ZFYVE28: variants seen among roughly 807,000 people sequenced by gnomAD.
The protein encoded by ZFYVE28 is lateral signaling target protein 2 homolog.
Under a neutral mutation model 82.1 loss-of-function variants are expected in ZFYVE28, and 40 were observed. That is an observed-to-expected ratio of 0.49 (90% confidence interval 0.38 to 0.63). The LOEUF (loss-of-function observed/expected upper bound fraction) is 0.63. Ranked by LOEUF, ZFYVE28 falls within the 30% of genes least tolerant of loss-of-function variation. The probability of loss-of-function intolerance (pLI) is 0.00; values close to 1 mark genes in which losing one functional copy is unlikely to be tolerated. For missense variants in ZFYVE28, 1,321 were observed against 1,242.1 expected, an observed-to-expected ratio of 1.06 and a Z score of -0.96; for synonymous variants, 612 against 546.1, an observed-to-expected ratio of 1.12 and a Z score of -1.68.
intron 1 of ZFYVE28, among the ~76,000 whole-genome samples, chr4:2,398,036 A>AGG (rs11444538): frequency 2.9e-4 from 35 of 121,798 alleles, no homozygotes; most frequent in African/African-American, 8.1e-4. Flanking sequence ...GTGAGATGGG[A>AGG]GGGGGGGTCC....
At chr4:2,396,135 CTGAGCTGA>C in intron 1 of ZFYVE28, among the ~76,000 whole-genome samples, 1 of 67,202 alleles carries the variant, frequency 1.5e-5, no homozygotes, top group Non-Finnish European at 3.4e-5. Flanking sequence ...GGCGGGGTGT[CTGAGCTGA>C]TGGGACCAGC....
intron 6 of ZFYVE28, among the ~76,000 whole-genome samples, chr4:2,329,846 T>A (rs966203904): frequency 6.6e-6 from 1 of 152,224 alleles, no homozygotes; most frequent in Admixed American, 6.5e-5. Context: ...TATCCATCCC[T>A]TCTCAAATTT....
Position 2,320,268 on chromosome 4 carries a change from G to T in ZFYVE28, c.705C>A (p.Gly235=), listed in dbSNP as rs1718884112. The change falls in exon 7 of 13, where the codon GGC becomes GGA. Residue 235 remains glycine (G), a synonymous_variant. Coordinates refer to ENST00000290974, the MANE Select transcript of ZFYVE28 (RefSeq NM_020972.3). The surrounding 1 kb of genome is among the most constrained non-coding windows in gnomAD (Gnocchi z 5.1). The part of the protein sequence containing the change: ...FSIPRLAIVC[G]LVVYADGPLN... Reference sequence around the variant, plus strand: ...GAGGTCCGTCCGCATAGACCACGAGGCCACTGCATTTGAGACACAAAAGCC... The same window carrying T: ...GAGGTCCGTCCGCATAGACCACGAGTCCACTGCATTTGAGACACAAAAGCC... The T allele has an allele frequency of 3.7e-6, 6 of 1,613,964 alleles. No individual in the cohort carries two copies. In the East Asian group the frequency reaches 1.3e-4, roughly 36 times the overall value.
At chr4:2,364,870 G>T in intron 1 of ZFYVE28, 1 of 985,478 alleles carries the variant, frequency 1.0e-6, no homozygotes, top group Non-Finnish European at 1.2e-6. Context: ...CGGCAAAGTC[G>T]CGAGAGTACC....
intron 8 of ZFYVE28, among the ~76,000 whole-genome samples, chr4:2,298,492 C>A (rs1244337118): frequency 6.6e-6 from 1 of 152,202 alleles, no homozygotes; most frequent in Non-Finnish European, 1.5e-5. Context: ...CAGTGTCTGT[C>A]ATCTGTCTGC....
In ZFYVE28 at chr4:2,348,826, C is replaced by A. The variant is rs572062976; in HGVS notation, c.180+5107G>T. ...ATCTATTTTTATTTAGGGCCAAATTCTGTCTTTTATCTTTGTAGCATATTT... is the reference window on the plus strand; with the variant it reads ...ATCTATTTTTATTTAGGGCCAAATTATGTCTTTTATCTTTGTAGCATATTT... On this transcript the variant is annotated intron_variant, in intron 2 of 12. Transcript: ENST00000290974. 5.3e-5 allele frequency among the ~76,000 whole-genome samples: 8 copies of A among 152,276 alleles called. No individual in the cohort carries two copies. The South Asian group carries it at 1.7e-3, about 32-fold the overall frequency.
rs1017601144 is a variant in ZFYVE28, at chr4:2,304,608, C to G, written c.1732G>C (p.Val578Leu). Residue 578 changes from valine to leucine, a missense_variant, in exon 8 of 13, where the codon GTG (valine) becomes CTG (leucine). By Grantham distance (32) the Val-to-Leu change is conservative. This residue lies in a region of ZFYVE28 where 978 missense variants were observed against 833.7 expected (regional missense o/e 1.17). Transcript: ENST00000290974. Reference sequence around the variant, plus strand: ...CTGCACTTCTCCCGCAGACGCTCCACCACGTCCTCCCTGCTGTCCCCGCAG... The same window carrying G: ...CTGCACTTCTCCCGCAGACGCTCCAGCACGTCCTCCCTGCTGTCCCCGCAG... ...GSCGDSREDV[V>L]ERLREKCSPG... The G allele has an allele frequency of 6.2e-7, 1 of 1,612,272 alleles. No individual in the cohort carries two copies. Among genetic ancestry groups the G allele is most frequent in the African/African-American group, 1.3e-5 (1 of 74,928 alleles).
rs369248263 is a variant in ZFYVE28, at chr4:2,302,827, A to G, written c.2051+1462T>C. Among the ~76,000 whole-genome samples the G allele has an allele frequency of 5.9e-5, 9 of 152,386 alleles. 1 individual carries two copies. Among genetic ancestry groups the G allele is most frequent in the East Asian group, 1.9e-4 (1 of 5,190 alleles). The stretch of plus-strand genomic sequence containing the variant: ...TGTGCCTCTACATGGTGGCCCTTAC[A>G]GACGTTACGTCTGGTGGACGAAGCC... On this transcript the variant is annotated intron_variant, in intron 8 of 12. Coordinates refer to ENST00000290974, the MANE Select transcript of ZFYVE28 (RefSeq NM_020972.3).
At chr4:2,289,010 A>T (rs2108809325) in intron 8 of ZFYVE28, among the ~76,000 whole-genome samples, 1 of 152,102 alleles carries the variant, frequency 6.6e-6, no homozygotes, top group East Asian at 1.9e-4. Flanking sequence ...AAGGCTGGGC[A>T]TGGTGGCTCA....
rs757136438 is a variant in ZFYVE28 at position 2,300,872 on chromosome 4, C to T, written c.2051+3417G>A. 3.9e-5 allele frequency among the ~76,000 whole-genome samples: 6 copies of T among 152,184 alleles called. No individual in the cohort carries two copies. The highest frequency in any genetic ancestry group is 2.0e-4 in the Admixed American group (3 of 15,280). ...GCTGCAGGGGCGTCTGCCGGGCGAGCGGGTCTCACGGCCAAACAGGCCCGG... is the reference window on the plus strand; with the variant it reads ...GCTGCAGGGGCGTCTGCCGGGCGAGTGGGTCTCACGGCCAAACAGGCCCGG... On this transcript the variant is annotated intron_variant, in intron 8 of 12. Coordinates refer to ENST00000290974, the MANE Select transcript of ZFYVE28 (RefSeq NM_020972.3). The surrounding 1 kb of genome is among the most constrained non-coding windows in gnomAD (Gnocchi z 4.6).
intron 1 of ZFYVE28, among the ~76,000 whole-genome samples, chr4:2,399,832 C>CGTACCA (rs1730982410): frequency 6.6e-6 from 1 of 152,238 alleles, no homozygotes; most frequent in Admixed American, 6.5e-5. Flanking sequence ...GGACGTGAGC[C>CGTACCA]GTACCAGTCA....
At position 2,380,289 on chromosome 4, in the gene ZFYVE28, G is replaced by T. The variant is rs76636763; in HGVS notation, c.40-26216C>A. On this transcript the variant is annotated intron_variant, in intron 1 of 12. Transcript: ENST00000290974. ...AAAGTAGGCTGGCCTCAGCTGCAAT[G>T]CTGTTCCTGCGTTTTGACTTAGGTA... 7.2e-5 allele frequency among the ~76,000 whole-genome samples: 11 copies of T among 152,260 alleles called. No individual in the cohort carries two copies. In the East Asian group the frequency reaches 2.1e-3, roughly 29 times the overall value.
At chr4:2,348,805 A>G (rs936930672) in intron 2 of ZFYVE28, among the ~76,000 whole-genome samples, 8 of 152,140 alleles carry the variant, frequency 5.3e-5, no homozygotes, top group Non-Finnish European at 8.8e-5. Flanking sequence ...TTAAGAATCT[A>G]TTTTTATTTA....
intron 8 of ZFYVE28, among the ~76,000 whole-genome samples, chr4:2,291,636 G>A (rs545431350): frequency 7.9e-5 from 12 of 152,138 alleles, no homozygotes; most frequent in Non-Finnish European, 1.8e-4. Context: ...GGGGTCCTGG[G>A]GTCAGGAGAG....
rs1050968984 is a variant in ZFYVE28, at chr4:2,362,813, T to G, written c.40-8740A>C. 2.0e-5 allele frequency among the ~76,000 whole-genome samples: 3 copies of G among 152,060 alleles called. No homozygotes were observed. The highest frequency in any genetic ancestry group is 4.4e-5 in the Non-Finnish European group (3 of 67,982). On this transcript the variant is annotated intron_variant, in intron 1 of 12. Transcript: ENST00000290974. This position sits in a 1 kb window ranked among gnomAD's most constrained non-coding sequence, Gnocchi z 5.1. The stretch of plus-strand genomic sequence containing the variant: ...CTGCCCTCCTCTGGGGTCAGGGAGC[T>G]GCAGTGGGCACGCTGGGTCAGCAGG...
chr4:2,296,999 C>T (rs983058682), intron 8 of ZFYVE28, among the ~76,000 whole-genome samples: 8 of 152,210 alleles, frequency 5.3e-5, no homozygotes, highest in South Asian at 4.1e-4. Context: ...TCCGGGCCAC[C>T]GAGGCCACAG....
intron 6 of ZFYVE28, chr4:2,330,747 C>T (rs1027580677): frequency 3.6e-5 from 53 of 1,484,964 alleles, no homozygotes; most frequent in African/African-American, 2.3e-4. Flanking sequence ...GGGGACAGTG[C>T]GGGGGAGGGG....
At chr4:2,401,129 G>A (rs950522440) in intron 1 of ZFYVE28, among the ~76,000 whole-genome samples, 1 of 152,164 alleles carries the variant, frequency 6.6e-6, no homozygotes, top group African/African-American at 2.4e-5. Flanking sequence ...GGGCCGTCAC[G>A]AGCCTCTCCC....
At chr4:2,275,059 G>A (rs554027228) in intron 8 of ZFYVE28, among the ~76,000 whole-genome samples, 1 of 152,134 alleles carries the variant, frequency 6.6e-6, no homozygotes, top group Non-Finnish European at 1.5e-5. Context: ...GTCAGAACAG[G>A]GCCCGGGACC....
Sources: gnomAD v4.1 joint callset for allele counts (sites outside exome capture counted in the v4.1 genomes callset) on GRCh38, gnomAD v4.1.1 for gene constraint, gnomAD v4.1.1 regional missense constraint, Gnocchi (gnomAD v3.1) non-coding constraint, MANE v1.5 for transcripts, NCBI Gene and HGNC (gene_info 2026-07-23, HGNC 2026-07-21) for gene names.